KCNN2: variants seen among roughly 807,000 people sequenced by gnomAD.
KCNN2 encodes the protein potassium calcium-activated channel subfamily N member 2.
Under a neutral mutation model 55.5 loss-of-function variants are expected in KCNN2, and 24 were observed. The ratio of observed to expected loss-of-function variants is 0.43; its 90% confidence interval spans 0.31 to 0.61. KCNN2 has a LOEUF of 0.61. KCNN2 is among the 20% of genes least tolerant of loss of function. The pLI, the probability that KCNN2 is intolerant of heterozygous loss-of-function variation, is 0.08. For synonymous variants in KCNN2, 431 were observed against 336.1 expected, an observed-to-expected ratio of 1.28 and a Z score of -3.09; for missense variants, 754 against 853.6, an observed-to-expected ratio of 0.88 and a Z score of 1.45.
intron 2 of KCNN2, among the ~76,000 whole-genome samples, chr5:114,391,233 C>T (rs538692684): frequency 5.9e-5 from 9 of 152,074 alleles, no homozygotes; most frequent in Non-Finnish European, 1.0e-4. Flanking sequence ...ATTTTCCCAT[C>T]TTTATATCGC....
intron 2 of KCNN2, among the ~76,000 whole-genome samples, chr5:114,302,533 GAA>G (rs758940592): frequency 6.6e-6 from 1 of 152,042 alleles, no homozygotes; most frequent in Non-Finnish European, 1.5e-5. Flanking sequence ...GAAGTAATTA[GAA>G]AAATGACAAT....
At chr5:114,427,927 C>A (rs776691307) in intron 3 of KCNN2, among the ~76,000 whole-genome samples, 22 of 152,154 alleles carry the variant, frequency 1.4e-4, no homozygotes, top group Non-Finnish European at 2.5e-4. Flanking sequence ...CTTATATTTA[C>A]TGTGCTTCTA....
At chr5:114,339,800 CACAA>C (rs879465641) in intron 2 of KCNN2, among the ~76,000 whole-genome samples, 6 of 142,926 alleles carry the variant, frequency 4.2e-5, no homozygotes, top group Non-Finnish European at 6.1e-5. Flanking sequence ...CAGACCTTAT[CACAA>C]ACAAACAAAC....
At chr5:114,482,312 G>T (rs901853978) in intron 5 of KCNN2, among the ~76,000 whole-genome samples, 53 of 152,032 alleles carry the variant, frequency 3.5e-4, no homozygotes, top group African/African-American at 1.3e-3. Flanking sequence ...ATGCAAATCG[G>T]AAACCACAAT....
intron 2 of KCNN2, among the ~76,000 whole-genome samples, chr5:114,334,870 A>G (rs1756892820): frequency 6.6e-6 from 1 of 152,190 alleles, no homozygotes; most frequent in South Asian, 2.1e-4. Flanking sequence ...GAAGGGACAA[A>G]TGCCCTGAAA....
intron 2 of KCNN2, among the ~76,000 whole-genome samples, chr5:114,376,492 G>A (rs1272202514): frequency 1.3e-5 from 2 of 152,172 alleles, no homozygotes; most frequent in Non-Finnish European, 2.9e-5. Context: ...GCTGCCATAT[G>A]GGAACACAAT....
intron 2 of KCNN2, among the ~76,000 whole-genome samples, chr5:114,239,702 T>C (rs1342951775): frequency 6.6e-6 from 1 of 152,200 alleles, no homozygotes; most frequent in Non-Finnish European, 1.5e-5. Flanking sequence ...TTCTTTGCAG[T>C]GTGAGCTAAT....
At chr5:114,186,627 TA>T (rs1753340407) in intron 1 of KCNN2, among the ~76,000 whole-genome samples, 1 of 152,216 alleles carries the variant, frequency 6.6e-6, no homozygotes, top group Non-Finnish European at 1.5e-5. Flanking sequence ...ATATTGGTCT[TA>T]ACTGTTACTA....
intron 2 of KCNN2, among the ~76,000 whole-genome samples, chr5:114,387,781 C>T (rs1758330293): frequency 6.6e-6 from 1 of 152,098 alleles, no homozygotes; most frequent in Non-Finnish European, 1.5e-5. Context: ...AGAGACTAGA[C>T]TCTCTGACAT....
intron 1 of KCNN2, among the ~76,000 whole-genome samples, chr5:114,133,289 G>A (rs1056284681): frequency 3.3e-5 from 5 of 152,012 alleles, no homozygotes; most frequent in African/African-American, 1.2e-4. Context: ...ACAGTCCAAG[G>A]AATTTAATTT....
intron 1 of KCNN2, among the ~76,000 whole-genome samples, chr5:114,070,140 C>A (rs1213149496): frequency 6.6e-6 from 1 of 152,178 alleles, no homozygotes; most frequent in East Asian, 1.9e-4. Context: ...TTTCCCCTAT[C>A]TTGTCTTGCT....
rs145615289 is a variant in KCNN2 at position 114,347,651 on chromosome 5, A to C, written c.-184-13294A>C. 4.3e-4 allele frequency among the ~76,000 whole-genome samples: 65 copies of C among 152,292 alleles called. No homozygotes were observed. In the East Asian group the frequency reaches 0.012, roughly 28 times the overall value. ...TTTTCTACACCTTTTTCCATTGTCT[A>C]TGTGACCACTAAAAACAGTTTTCTT... is the stretch of plus-strand genomic sequence containing the variant. On this transcript the variant is annotated intron_variant, in intron 2 of 10. Coordinates refer to the KCNN2 transcript ENST00000512097.
chr5:114,091,852 C>T (rs144931102), intron 1 of KCNN2, among the ~76,000 whole-genome samples: 1 of 152,250 alleles, frequency 6.6e-6, no homozygotes, highest in Non-Finnish European at 1.5e-5. Flanking sequence ...ATTCACTTAC[C>T]TCCACCTGGT....
chr5:114,261,837 A>T (rs1056291973), intron 2 of KCNN2, among the ~76,000 whole-genome samples: 1 of 152,120 alleles, frequency 6.6e-6, no homozygotes, highest in African/African-American at 2.4e-5. Context: ...TTCAGTGAGG[A>T]CCCACTGGGC....
chr5:114,277,611 C>T (rs1447819773), intron 2 of KCNN2, among the ~76,000 whole-genome samples: 1 of 152,184 alleles, frequency 6.6e-6, no homozygotes, highest in African/African-American at 2.4e-5. Flanking sequence ...GATATCCTTT[C>T]TTTTGCTTGA....
chr5:114,486,508 C>T (rs12719181), intron 5 of KCNN2, among the ~76,000 whole-genome samples: 111,648 of 151,960 alleles, frequency 0.73, 43,084 homozygotes, highest in East Asian at 0.92. Flanking sequence ...ACGTAGACTC[C>T]GTCAGTTAAT....
intron 2 of KCNN2, among the ~76,000 whole-genome samples, chr5:114,376,155 T>C (rs115796903): frequency 9.7e-4 from 147 of 152,188 alleles, no homozygotes; most frequent in African/African-American, 3.4e-3. Context: ...TCATGTTCAC[T>C]GTCTCAGTCT....
In KCNN2 at chr5:114,404,474, A is replaced by G. The variant is rs1758875783; in HGVS notation, c.1255A>G (p.Ile419Val). Reference sequence around the variant, plus strand: ...GGACAATGGAGCAGATGACTGGAGAATAGCCATGACTTATGAGCGTATTTT... The same window carrying G: ...GGACAATGGAGCAGATGACTGGAGAGTAGCCATGACTTATGAGCGTATTTT... ...MVDNGADDWR[I>V]AMTYERIFFI... is the part of the protein sequence containing the mutation. Residue 419 changes from isoleucine to valine, a missense_variant, in exon 3 of 8, where the codon ATA becomes GTA. By Grantham distance (29) the Ile-to-Val change is conservative. Around this residue, in one of 4 missense-constraint regions of KCNN2, gnomAD observed 123 missense variants for 204.9 expected, o/e 0.60. Transcript: ENST00000673685. The G allele has an allele frequency of 1.9e-6, 3 of 1,613,572 alleles. No homozygotes were observed. The highest frequency in any genetic ancestry group is 2.5e-6 in the Non-Finnish European group (3 of 1,179,950).
intron 1 of KCNN2, among the ~76,000 whole-genome samples, chr5:114,107,279 T>A (rs186642568): frequency 6.7e-6 from 1 of 148,436 alleles, no homozygotes; most frequent in South Asian, 2.1e-4. Context: ...AGTACCATAG[T>A]GTTTTTTTTA....
Sources: allele counts gnomAD v4.1 joint callset (sites outside exome capture counted in the v4.1 genomes callset), GRCh38; gene constraint gnomAD v4.1.1; regional missense constraint gnomAD v4.1.1; transcripts MANE v1.5; gene names NCBI Gene and HGNC (gene_info 2026-07-23, HGNC 2026-07-21).